The following THRAP3 variants were observed in gnomAD, a reference collection of about 807,000 sequenced individuals.
THRAP3 encodes the protein thyroid hormone receptor associated protein 3.
THRAP3 carries 16 observed loss-of-function variants against 101.0 expected under a neutral mutation model. That is an observed-to-expected ratio of 0.16 (90% CI 0.11 to 0.24). THRAP3 has a LOEUF of 0.24. Ranked by LOEUF, THRAP3 falls within the 10% of genes least tolerant of loss-of-function variation. THRAP3 has a pLI of 1.00. For synonymous variants in THRAP3, 407 were observed against 422.6 expected (o/e 0.96, Z 0.45); for missense variants, 989 against 1,202.7 (o/e 0.82, Z 2.63).
Position 36,304,346 on chromosome 1 carries a change from A to G in THRAP3, c.*329A>G, listed in dbSNP as rs1646068975. On this transcript the variant is annotated 3_prime_UTR_variant, in exon 12 of 12. Coordinates refer to ENST00000354618, the MANE Select transcript of THRAP3 (RefSeq NM_005119.4). Reference sequence around the variant, plus strand: ...CTTGGATTTTTGTTTCCTATTAGAAACCAACAGTTTTGTTCTAATTTCATT... The same window carrying G: ...CTTGGATTTTTGTTTCCTATTAGAAGCCAACAGTTTTGTTCTAATTTCATT... 7.7e-6 allele frequency: 2 copies of G among 259,970 alleles called. No individual in the cohort carries two copies. Among genetic ancestry groups the G allele is most frequent in the Non-Finnish European group, 1.5e-5 (2 of 136,414 alleles). The allele number at this position is 259,970 out of a possible 1,614,324, so 16.1% of individuals were successfully genotyped here.
intron 11 of THRAP3, among the ~76,000 whole-genome samples, chr1:36,303,292 A>T (rs1283855060): frequency 6.6e-6 from 1 of 151,850 alleles, no homozygotes; most frequent in East Asian, 1.9e-4. Context: ...GCTGCCTAAC[A>T]ACCCAGTTCA....
intron 1 of THRAP3, among the ~76,000 whole-genome samples, chr1:36,251,275 TG>T (rs1645297337): frequency 6.6e-6 from 1 of 152,190 alleles, no homozygotes; most frequent in South Asian, 2.1e-4. Flanking sequence ...AGATAAGTTC[TG>T]GGAAAGTAGT....
upstream of THRAP3, among the ~76,000 whole-genome samples, chr1:36,222,040 G>T (rs1644905297): frequency 6.6e-6 from 1 of 152,050 alleles, no homozygotes; most frequent in South Asian, 2.1e-4. Context: ...TTGAACTCCT[G>T]ACCTCAGGTG....
chr1:36,217,881 C>T, the THRAP3 span, among the ~76,000 whole-genome samples: 1 of 152,134 alleles, frequency 6.6e-6, no homozygotes, highest in Admixed American at 6.6e-5. Context: ...GACACAACAA[C>T]ATTGACATTA....
the THRAP3 span, among the ~76,000 whole-genome samples, chr1:36,214,002 GAA>G: frequency 3.1e-4 from 10 of 32,328 alleles, no homozygotes; most frequent in Non-Finnish European, 1.2e-4. Context: ...AGAAAGGAAA[GAA>G]AGAAAGAAAG....
intron 1 of THRAP3, among the ~76,000 whole-genome samples, chr1:36,241,206 A>AG (rs950422051): frequency 6.6e-6 from 1 of 150,438 alleles, no homozygotes; most frequent in African/African-American, 2.5e-5. Flanking sequence ...AAAAAAAAAA[A>AG]AAAGATTTTT....
Position 36,304,164 on chromosome 1 carries a change from C to T in THRAP3, c.*147C>T, listed in dbSNP as rs1398661690. On this transcript the variant is annotated 3_prime_UTR_variant, in exon 12 of 12. Coordinates refer to ENST00000354618, the MANE Select transcript of THRAP3 (RefSeq NM_005119.4). Reference sequence around the variant, plus strand: ...GCACAGATTGTACTACCGCGAGAGGCATCCCTGGCGCTGTCTCCCACTGGA... The same window carrying T: ...GCACAGATTGTACTACCGCGAGAGGTATCCCTGGCGCTGTCTCCCACTGGA... 9 of 1,257,166 alleles carry T rather than the reference C, an allele frequency of 7.2e-6. No homozygotes were observed. The highest frequency in any genetic ancestry group is 9.6e-6 in the Non-Finnish European group (9 of 941,872). The allele number at this position is 1,257,166 out of a possible 1,614,324, so 77.9% of individuals were successfully genotyped here.
rs763780125 is a variant in THRAP3, at chr1:36,287,207, C to G, written c.977C>G (p.Ser326Cys). The change falls in exon 4 of 12, where the codon TCC becomes TGC. Residue 326 changes from serine (S) to cysteine (C), a missense_variant. By Grantham distance (112) the Ser-to-Cys change is moderately radical (BLOSUM62 -1). Coordinates refer to ENST00000354618, the MANE Select transcript of THRAP3 (RefSeq NM_005119.4). ...GGTAAGAGTCCACCATCCACTGGCT[C>G]CACATATGGCTCATCTCAGAAGGAG... ...PVGKSPPSTG[S>C]TYGSSQKEES... 6.2e-7 allele frequency: 1 copy of G among 1,614,124 alleles called. No individual in the cohort carries two copies. The highest frequency in any genetic ancestry group is 1.1e-5 in the South Asian group (1 of 91,068).
chr1:36,212,807 T>C, the THRAP3 span, among the ~76,000 whole-genome samples: 2 of 152,158 alleles, frequency 1.3e-5, no homozygotes, highest in Admixed American at 6.6e-5. Flanking sequence ...CAGATGCCAC[T>C]CTGCTCCTAG....
intron 9 of THRAP3, among the ~76,000 whole-genome samples, chr1:36,299,443 C>T (rs1249847996): frequency 6.6e-6 from 1 of 150,786 alleles, no homozygotes; most frequent in Non-Finnish European, 1.5e-5. Context: ...ATCTCAACAA[C>T]AACAAAAAAA....
the THRAP3 span, among the ~76,000 whole-genome samples, chr1:36,208,390 G>A: frequency 2.0e-5 from 3 of 152,110 alleles, no homozygotes; most frequent in Non-Finnish European, 4.4e-5. Context: ...GGAATGTGAA[G>A]TCAGATCTGG....
intron 2 of THRAP3, among the ~76,000 whole-genome samples, chr1:36,276,994 G>A (rs1423623256): frequency 3.3e-5 from 5 of 152,018 alleles, no homozygotes; most frequent in African/African-American, 9.7e-5. Context: ...TTGAGATGGA[G>A]TTTCATGCTT....
intron 9 of THRAP3, among the ~76,000 whole-genome samples, chr1:36,298,860 C>T (rs973056002): frequency 6.6e-6 from 1 of 152,152 alleles, no homozygotes; most frequent in African/African-American, 2.4e-5. Flanking sequence ...GTGATGCAAT[C>T]ACTGGCCTAC....
intron 1 of THRAP3, among the ~76,000 whole-genome samples, chr1:36,258,596 C>T (rs955918886): frequency 6.6e-6 from 1 of 152,154 alleles, no homozygotes; most frequent in Non-Finnish European, 1.5e-5. Flanking sequence ...CCACCTCAGC[C>T]TCCTGAGTAG....
intron 1 of THRAP3, among the ~76,000 whole-genome samples, chr1:36,253,833 G>C (rs188034446): frequency 7.2e-6 from 1 of 139,686 alleles, no homozygotes; most frequent in African/African-American, 2.6e-5. Context: ...TCAAACTTCT[G>C]ACCTCAAGCT....
intron 8 of THRAP3, among the ~76,000 whole-genome samples, chr1:36,294,424 T>TAATA (rs1454764972): frequency 6.6e-6 from 1 of 152,210 alleles, no homozygotes; most frequent in Non-Finnish European, 1.5e-5. Context: ...ACTGTTACTT[T>TAATA]AAAGCTAAAG....
chr1:36,256,587 T>A (rs1645378808), intron 1 of THRAP3, among the ~76,000 whole-genome samples: 2 of 152,176 alleles, frequency 1.3e-5, no homozygotes, highest in Admixed American at 6.5e-5. Flanking sequence ...TTAAAATCTG[T>A]TCTCCACGCA....
chr1:36,248,433 C>T (rs1263022239), intron 1 of THRAP3, among the ~76,000 whole-genome samples: 2 of 144,580 alleles, frequency 1.4e-5, no homozygotes, highest in African/African-American at 2.5e-5. Context: ...ACCCATTGCA[C>T]CCAGCCTCAG....
intron 1 of THRAP3, among the ~76,000 whole-genome samples, chr1:36,254,775 G>T (rs1645351633): frequency 6.6e-6 from 1 of 152,066 alleles, no homozygotes; most frequent in South Asian, 2.1e-4. Context: ...CTCTAATGAA[G>T]TATTTTTTTG....
Sources: allele counts gnomAD v4.1 joint callset (sites outside exome capture counted in the v4.1 genomes callset), GRCh38; gene constraint gnomAD v4.1.1; transcripts MANE v1.5; gene names NCBI Gene and HGNC (gene_info 2026-07-23, HGNC 2026-07-21).